The following GREB1 variants were observed in gnomAD, a reference collection of about 807,000 sequenced individuals.
GREB1 encodes the protein protein GREB1.
In GREB1, 106 loss-of-function variants were observed where a neutral mutation model predicts 200.7. The observed-to-expected ratio is 0.53, with a 90% CI of 0.45 to 0.62. The LOEUF is 0.62. GREB1 is among the 20% of genes least tolerant of loss of function. GREB1 has a pLI of 0.00. For synonymous variants in GREB1, 1,132 were observed against 1,092.4 expected (o/e 1.04, Z -0.72); for missense variants, 2,243 against 2,556.8 (o/e 0.88, Z 2.65).
At chr2:11,550,955 A>C (rs1327483458) in intron 1 of GREB1, among the ~76,000 whole-genome samples, 13 of 152,078 alleles carry the variant, frequency 8.5e-5, no homozygotes, top group Admixed American at 8.5e-4. Flanking sequence ...TCTGCCCTGC[A>C]CTTATTCTAG....
intron 4 of GREB1, among the ~76,000 whole-genome samples, chr2:11,569,333 G>T (rs114108366): frequency 0.047 from 7,143 of 152,204 alleles, 511 homozygotes; most frequent in African/African-American, 0.15. Flanking sequence ...TAGGGGCTGG[G>T]TGGGGGGATG....
At chr2:11,604,580 G>A (rs1486011038) in intron 17 of GREB1, among the ~76,000 whole-genome samples, 1 of 152,154 alleles carries the variant, frequency 6.6e-6, no homozygotes, top group African/African-American at 2.4e-5. Flanking sequence ...CTGGATTGTT[G>A]AAGTATGGAG....
chr2:11,567,285 C>T (rs1027821625), intron 4 of GREB1, among the ~76,000 whole-genome samples: 14 of 152,086 alleles, frequency 9.2e-5, no homozygotes, highest in African/African-American at 2.2e-4. Flanking sequence ...CCACCACATC[C>T]GGCTAATTTT....
At chr2:11,577,355 A>G (rs1678978048) in intron 5 of GREB1, among the ~76,000 whole-genome samples, 1 of 152,216 alleles carries the variant, frequency 6.6e-6, no homozygotes, top group South Asian at 2.1e-4. Context: ...GCCAAGGCTG[A>G]GAACCTGACT....
intron 1 of GREB1, among the ~76,000 whole-genome samples, chr2:11,515,558 G>T (rs13407702): frequency 0.16 from 24,447 of 151,964 alleles, 2,457 homozygotes; most frequent in African/African-American, 0.26. Flanking sequence ...TCTGCTGGAA[G>T]CCCTGTGAGA....
chr2:11,562,407 A>G (rs1677156497), intron 2 of GREB1, 56 bp from the exon 3 acceptor site: 2 of 1,600,670 alleles, frequency 1.2e-6, no homozygotes, highest in Admixed American at 3.4e-5. Context: ...GCCCTGGGGG[A>G]AGCTCTGAGG....
chr2:11,615,018 T>C, intron 19 of GREB1, 73 bp from the exon 20 acceptor site: 1 of 1,169,880 alleles, frequency 8.5e-7, no homozygotes, highest in Non-Finnish European at 1.3e-6. Flanking sequence ...CGATCAGTGC[T>C]GCCTGCCGCA....
chr2:11,565,776 C>G (rs1267891094), intron 3 of GREB1, among the ~76,000 whole-genome samples: 4 of 152,196 alleles, frequency 2.6e-5, no homozygotes, highest in Admixed American at 6.5e-5. Context: ...CTAGCGGAAA[C>G]TGACGCTATC....
chr2:11,551,420 T>A (rs1675815265), intron 1 of GREB1, among the ~76,000 whole-genome samples: 1 of 151,990 alleles, frequency 6.6e-6, no homozygotes, highest in African/African-American at 2.4e-5. Context: ...TCCAGTTTTA[T>A]CCTAATCATT....
intron 27 of GREB1, 93 bp downstream of exon 27, chr2:11,632,206 C>G (rs1047595976): frequency 1.0e-4 from 91 of 879,924 alleles, no homozygotes; most frequent in Admixed American, 4.9e-4. Flanking sequence ...CATGTGACAT[C>G]AGGCCTTTTA....
intron 22 of GREB1, 64 bp downstream of exon 22, chr2:11,618,983 A>AG: frequency 7.2e-7 from 1 of 1,385,008 alleles, no homozygotes; most frequent in East Asian, 2.5e-5. Context: ...TCCCATCTGG[A>AG]GGGCAGGCCT....
intron 17 of GREB1, among the ~76,000 whole-genome samples, chr2:11,602,905 T>A (rs1681914293): frequency 6.6e-6 from 1 of 152,250 alleles, no homozygotes; most frequent in African/African-American, 2.4e-5. Context: ...CCGATGCATA[T>A]CATGTATTGA....
In GREB1 at chr2:11,611,031, G is replaced by A; in HGVS notation, c.3006+4G>A. ...GCACTTCGTAAAGCAGCTCAGGGTA[G>A]GTGCTGTGCGCAGGGAGGGGCGGAG... is the stretch of plus-strand genomic sequence containing the variant. On this transcript the variant is annotated splice_donor_region_variant and intron_variant, in intron 18 of 32. Coordinates refer to ENST00000381486, the MANE Select transcript of GREB1 (RefSeq NM_014668.4). 6 of 1,568,698 alleles carry A rather than the reference G, an allele frequency of 3.8e-6. No homozygotes were observed. The highest frequency in any genetic ancestry group is 1.7e-4 in the Middle Eastern group (1 of 5,814).
rs535634397 is a variant in GREB1, at chr2:11,571,702, T to C, written c.455-4651T>C. ...TTAACCAAAAACAATACCCAATTAA[T>C]GAACCATGCATTTTTTTTTTCTTTT... is the stretch of plus-strand genomic sequence containing the variant. On this transcript the variant is annotated intron_variant, in intron 4 of 32. Coordinates refer to ENST00000381486, the MANE Select transcript of GREB1 (RefSeq NM_014668.4). Among the ~76,000 whole-genome samples, 32 of 152,248 alleles carry C rather than the reference T, an allele frequency of 2.1e-4. No homozygotes were observed. In the South Asian group the frequency reaches 6.6e-3, roughly 32 times the overall value.
At chr2:11,583,280 C>T (rs1431804220) in intron 7 of GREB1, among the ~76,000 whole-genome samples, 1 of 152,182 alleles carries the variant, frequency 6.6e-6, no homozygotes, top group Non-Finnish European at 1.5e-5. Flanking sequence ...TTTAGAGGAG[C>T]TGGCTGCTTA....
chr2:11,587,670 A>T, intron 9 of GREB1: 3 of 1,302,924 alleles, frequency 2.3e-6, no homozygotes, highest in Non-Finnish European at 9.9e-7. Flanking sequence ...TTGGTGACTA[A>T]ATGGAGTACC....
At chr2:11,529,010 A>C (rs1461548607) in intron 1 of GREB1, among the ~76,000 whole-genome samples, 4 of 152,210 alleles carry the variant, frequency 2.6e-5, no homozygotes, top group Non-Finnish European at 5.9e-5. Flanking sequence ...TTTTTTGCCC[A>C]CAGTGACTTT....
At chr2:11,535,271 T>C (rs1463647687) in intron 1 of GREB1, among the ~76,000 whole-genome samples, 1 of 152,184 alleles carries the variant, frequency 6.6e-6, no homozygotes, top group Non-Finnish European at 1.5e-5. Context: ...CTGTGTCAGC[T>C]CCACATTCCC....
intron 1 of GREB1, among the ~76,000 whole-genome samples, chr2:11,550,412 AGTCAATTTCCCT>A (rs1487302801): frequency 6.6e-6 from 1 of 152,174 alleles, no homozygotes; most frequent in Non-Finnish European, 1.5e-5. Flanking sequence ...GCGTCATTTG[AGTCAATTTCCCT>A]GTTTTCACCC....
Sources: allele counts gnomAD v4.1 joint callset (sites outside exome capture counted in the v4.1 genomes callset), GRCh38; gene constraint gnomAD v4.1.1; transcripts MANE v1.5; gene names NCBI Gene and HGNC (gene_info 2026-07-23, HGNC 2026-07-21).